Variants in BICRA observed in about 807,000 individuals in gnomAD.
The protein encoded by BICRA is BRD4 interacting chromatin remodeling complex associated protein, also known as BRD4-interacting chromatin-remodeling complex-associated protein.
Under a neutral mutation model 96.9 loss-of-function variants are expected in BICRA, and 31 were observed. That is an observed-to-expected ratio of 0.32 (90% CI 0.24 to 0.43). BICRA has a LOEUF of 0.43. Ranked by LOEUF, BICRA falls within the 20% of genes least tolerant of loss-of-function variation. The pLI, the probability that BICRA is intolerant of heterozygous loss-of-function variation, is 1.00. For synonymous variants in BICRA, 1,350 were observed against 1,071.8 expected, an observed-to-expected ratio of 1.26 and a Z score of -5.07; for missense variants, 2,283 against 2,190.3, an observed-to-expected ratio of 1.04 and a Z score of -0.84.
At chr19:47,686,335 T>C (rs1973158518) in intron 7 of BICRA, among the ~76,000 whole-genome samples, 1 of 152,228 alleles carries the variant, frequency 6.6e-6, no homozygotes, top group South Asian at 2.1e-4. Flanking sequence ...TTACCTATAT[T>C]ACAATGTGTG....
At position 47,653,012 on chromosome 19, in the gene BICRA, ATTC is replaced by A. The variant is rs1972562353; in HGVS notation, c.-107-17428_-107-17426del. ...CTATCAGTACACAAAGAACGTCCTC[ATTC>A]TTTTTTTTTTTTTTTTTTTTTTTCC... On this transcript the variant is annotated intron_variant, in intron 1 of 14. Transcript: ENST00000594866. Among the ~76,000 whole-genome samples the A allele has an allele frequency of 5.9e-5, 8 of 135,946 alleles. No homozygotes were observed. The South Asian group carries it at 1.6e-3, about 27-fold the overall frequency. 89.2% of individuals were successfully genotyped at this position (135,946 alleles called of 152,430 possible).
At position 47,633,080 on chromosome 19, in the gene BICRA, C is replaced by CTT. The variant is rs34761702; in HGVS notation, c.-108+23931_-108+23932dup. 7.2e-3 allele frequency among the ~76,000 whole-genome samples: 672 copies of CTT among 93,210 alleles called. 14 individuals carry two copies. Among genetic ancestry groups the CTT allele is most frequent in the African/African-American group, 0.012 (298 of 24,752 alleles). 61.1% of individuals were successfully genotyped at this position (93,210 alleles called of 152,430 possible). On this transcript the variant is annotated intron_variant, in intron 1 of 14. Transcript: ENST00000594866. ...TCATTAATTTTATTTGATTTTATTTCTTTTTTTTTTTTTTTTTTTTGAGAC... is the reference window on the plus strand; with the variant it reads ...TCATTAATTTTATTTGATTTTATTTCTTTTTTTTTTTTTTTTTTTTTTGAGAC...
intron 1 of BICRA, among the ~76,000 whole-genome samples, chr19:47,623,317 A>G (rs1972092745): frequency 6.6e-6 from 1 of 151,970 alleles, no homozygotes; most frequent in Non-Finnish European, 1.5e-5. Flanking sequence ...CTTGTTGGTT[A>G]CCTGTCCCTC....
chr19:47,654,586 A>G (rs1403192201), intron 1 of BICRA, among the ~76,000 whole-genome samples: 1 of 152,058 alleles, frequency 6.6e-6, no homozygotes, highest in Non-Finnish European at 1.5e-5. Context: ...GTTTCACGCC[A>G]TTCTCCTGCC....
intron 1 of BICRA, among the ~76,000 whole-genome samples, chr19:47,646,422 G>A (rs866670315): frequency 7.9e-6 from 1 of 126,538 alleles, no homozygotes; most frequent in Admixed American, 8.3e-5. Flanking sequence ...AGCTCAGCCC[G>A]ACACACATGC....
Position 47,694,632 on chromosome 19 carries a change from C to T in BICRA, c.2801C>T (p.Ala934Val). Residue 934 changes from alanine to valine, a missense_variant, in exon 8 of 15, where the codon GCA becomes GTA. Transcript: ENST00000594866. The part of the protein sequence containing the change: ...PTLHLVPEPA[A>V]PPPPPPRTFQ... Reference sequence around the variant, plus strand: ...CTCCACCTGGTCCCTGAGCCGGCAGCACCCCCCCCACCGCCTCCTCGGACC... The same window carrying T: ...CTCCACCTGGTCCCTGAGCCGGCAGTACCCCCCCCACCGCCTCCTCGGACC... 1 of 1,565,626 alleles carries T rather than the reference C, an allele frequency of 6.4e-7. No individual in the cohort carries two copies. The highest frequency in any genetic ancestry group is 8.8e-7 in the Non-Finnish European group (1 of 1,138,478).
intron 1 of BICRA, among the ~76,000 whole-genome samples, chr19:47,637,499 C>T (rs1000063876): frequency 2.6e-5 from 4 of 152,220 alleles, no homozygotes; most frequent in African/African-American, 7.2e-5. Context: ...ACTACAACCT[C>T]TGCCTGCTGG....
At chr19:47,641,040 A>G (rs573728708) in intron 1 of BICRA, among the ~76,000 whole-genome samples, 19 of 149,006 alleles carry the variant, frequency 1.3e-4, no homozygotes, top group Non-Finnish European at 2.5e-4. Context: ...AGCTGGGACT[A>G]CAGGCACCCA....
At chr19:47,637,852 G>C (rs2974210) in intron 1 of BICRA, among the ~76,000 whole-genome samples, 110,971 of 152,096 alleles carry the variant, frequency 0.73, 40,946 homozygotes, top group African/African-American at 0.83. Context: ...CAGGTCCACC[G>C]CTGCTGCGGC....
At chr19:47,614,085 C>T (rs958671862) in intron 1 of BICRA, among the ~76,000 whole-genome samples, 11 of 151,864 alleles carry the variant, frequency 7.2e-5, no homozygotes, top group Non-Finnish European at 1.5e-4. Context: ...GTTGGATTAG[C>T]CGCTGTGGGG....
Position 47,701,200 on chromosome 19 carries a change from G to A in BICRA, c.3596-128G>A, listed in dbSNP as rs1599873859. ...AGGGTCTCACCAAGCCTATCCTGAG[G>A]ATTGGAGGGTCCAGGGTGCAGTCTG... On this transcript the variant is annotated intron_variant, in intron 14 of 14. Coordinates refer to ENST00000594866, the MANE Select transcript of BICRA (RefSeq NM_001394372.1). The surrounding 1 kb of genome is among the most constrained non-coding windows in gnomAD (Gnocchi z 5.4). 8.9e-6 allele frequency: 6 copies of A among 671,278 alleles called. No individual in the cohort carries two copies. In the East Asian group the frequency reaches 1.6e-4, roughly 18 times the overall value. The allele number at this position is 671,278 out of a possible 1,614,324, so 41.6% of individuals were successfully genotyped here. A position where few individuals can be genotyped will look rare whatever the true frequency, so the allele number is the denominator to read the frequency against.
chr19:47,688,849 G>GTC (rs147430958), intron 7 of BICRA, among the ~76,000 whole-genome samples: 31 of 150,660 alleles, frequency 2.1e-4, no homozygotes, highest in South Asian at 8.4e-4. Flanking sequence ...TTGAGACAGA[G>GTC]TCTCTCTCTC....
rs749742737 is a variant in BICRA, at chr19:47,702,181, C to G, written c.4449C>G (p.Asp1483Glu). The G allele has an allele frequency of 1.9e-6, 3 of 1,587,380 alleles. No homozygotes were observed. The highest frequency in any genetic ancestry group is 1.1e-5 in the South Asian group (1 of 88,576). ...GCAAGTCCGAGTCGCCCGACGTGGA[C>G]CAGGCCAGCTTCTCCAGCGACAGCC... The part of the protein sequence containing the change: ...KRRKSESPDV[D>E]QASFSSDSPQ... The change falls in exon 15 of 15, where the codon GAC (aspartate) becomes GAG (glutamate). Residue 1483 changes from aspartate to glutamate, a missense_variant. By Grantham distance (45) the Asp-to-Glu change is conservative (BLOSUM62 2). Transcript: ENST00000594866.
At chr19:47,612,680 T>G (rs1361728836) in intron 1 of BICRA, among the ~76,000 whole-genome samples, 6 of 149,340 alleles carry the variant, frequency 4.0e-5, no homozygotes, top group Non-Finnish European at 8.9e-5. Flanking sequence ...GCTCACCCAG[T>G]GTAGGAGGTA....
chr19:47,693,448 C>T (rs1432184625), intron 7 of BICRA, among the ~76,000 whole-genome samples: 2 of 152,216 alleles, frequency 1.3e-5, no homozygotes, highest in Admixed American at 1.3e-4. Flanking sequence ...AGGCAGGTGC[C>T]CAGGACACTT....
chr19:47,637,533 T>C (rs1220577514), intron 1 of BICRA, among the ~76,000 whole-genome samples: 2 of 152,204 alleles, frequency 1.3e-5, no homozygotes, highest in Non-Finnish European at 2.9e-5. Flanking sequence ...TCCTGCCTTG[T>C]TGAGACACAT....
In BICRA at chr19:47,695,073, C is replaced by T. The variant is rs1181566191; in HGVS notation, c.3069C>T (p.Ala1023=). 4.0e-6 allele frequency: 6 copies of T among 1,493,996 alleles called. No homozygotes were observed. The highest frequency in any genetic ancestry group is 4.9e-5 in the East Asian group (2 of 40,760). The allele number at this position is 1,493,996 out of a possible 1,614,324, so 92.5% of individuals were successfully genotyped here. The change falls in exon 9 of 15, where the codon GCC becomes GCT. Residue 1023 remains alanine (A), a synonymous_variant. Transcript: ENST00000594866. ...PSHAPAPAPM[A]ATGLPPLLPA... Reference sequence around the variant, plus strand: ...ACGCCCCCGCCCCGGCACCCATGGCCGCCACAGGTAGGAGAGAGGTCGCCT... The same window carrying T: ...ACGCCCCCGCCCCGGCACCCATGGCTGCCACAGGTAGGAGAGAGGTCGCCT...
rs540572349 is a variant in BICRA, at chr19:47,623,242, A to G, written c.-108+14074A>G. ...TGTGCGATGGATTTTTGCTTTACAG[A>G]AAGGATACTGCTTCTGTTTCTCCTC... is the stretch of plus-strand genomic sequence containing the variant. On this transcript the variant is annotated intron_variant, in intron 1 of 14. Transcript: ENST00000594866. Among the ~76,000 whole-genome samples the G allele has an allele frequency of 7.2e-5, 11 of 152,124 alleles. No homozygotes were observed. In the South Asian group the frequency reaches 2.3e-3, roughly 32 times the overall value.
intron 10 of BICRA, 104 bp from the exon 11 acceptor site, chr19:47,696,347 C>A: frequency 2.9e-6 from 3 of 1,039,112 alleles, no homozygotes; most frequent in South Asian, 1.5e-5. Context: ...CTGGGTGAGA[C>A]ACTGGTCCCC....
Sources: gnomAD v4.1 joint callset for allele counts (sites outside exome capture counted in the v4.1 genomes callset) on GRCh38, gnomAD v4.1.1 for gene constraint, Gnocchi (gnomAD v3.1) non-coding constraint, MANE v1.5 for transcripts, NCBI Gene and HGNC (gene_info 2026-07-23, HGNC 2026-07-21) for gene names.